RASA2: variants seen among roughly 807,000 people sequenced by gnomAD.
RASA2 encodes ras GTPase-activating protein 2.
In RASA2, 155 loss-of-function variants were observed where a neutral mutation model predicts 118.2. That is an observed-to-expected ratio of 1.31 (90% CI 1.15 to 1.50). The LOEUF is 1.50. Among genes scored for constraint, RASA2 ranks in the 40% most tolerant of loss-of-function variants. The probability of loss-of-function intolerance (pLI) is 0.00; values close to 1 mark genes in which losing one functional copy is unlikely to be tolerated. For synonymous variants in RASA2, 353 were observed against 349.1 expected (o/e 1.01, Z -0.12); for missense variants, 1,016 against 1,009.6 (o/e 1.01, Z -0.09).
chr3:141,599,565 C>A (rs372861488), intron 19 of RASA2, among the ~76,000 whole-genome samples: 45 of 152,236 alleles, frequency 3.0e-4, no homozygotes, highest in African/African-American at 9.6e-4. Flanking sequence ...ACTTCTATTA[C>A]ATAGTAAAGT....
At position 141,612,379 on chromosome 3, in the gene RASA2, T is replaced by A. The variant is rs377062902; in HGVS notation, c.*66T>A. 3.7e-6 allele frequency: 5 copies of A among 1,366,584 alleles called. No homozygotes were observed. Among genetic ancestry groups the A allele is most frequent in the Non-Finnish European group, 5.1e-6 (5 of 984,104 alleles). The allele number at this position is 1,366,584 out of a possible 1,614,324, so 84.7% of individuals were successfully genotyped here. A position where few individuals can be genotyped will look rare whatever the true frequency, so the allele number is the denominator to read the frequency against. On this transcript the variant is annotated 3_prime_UTR_variant, in exon 24 of 24. Coordinates refer to ENST00000286364, the MANE Select transcript of RASA2 (RefSeq NM_006506.5). ...TTTCTTGGAGCTTTTCAATTCATCA[T>A]GTATTTTGTTCATGGTATTTAAGAA...
chr3:141,526,161 A>G (rs1577683643), intron 3 of RASA2: 1 of 152,152 alleles, frequency 6.6e-6, no homozygotes, highest in East Asian at 1.9e-4. Flanking sequence ...TACCTCCAAG[A>G]TTGTTAGGAA....
At chr3:141,610,088 G>T in intron 23 of RASA2, 22 bp downstream of exon 23, 3 of 1,527,068 alleles carry the variant, frequency 2.0e-6, no homozygotes, top group Non-Finnish European at 2.6e-6. Flanking sequence ...TTAAGCTATT[G>T]TAAACATATT....
At chr3:141,561,983 C>T (rs1026975605) in intron 9 of RASA2, among the ~76,000 whole-genome samples, 1 of 151,950 alleles carries the variant, frequency 6.6e-6, no homozygotes, top group African/African-American at 2.4e-5. Context: ...GACAAAGCCT[C>T]ACTCTGTTGT....
At chr3:141,511,459 G>A (rs1354554989) in intron 1 of RASA2, among the ~76,000 whole-genome samples, 1 of 152,160 alleles carries the variant, frequency 6.6e-6, no homozygotes, top group Admixed American at 6.5e-5. Context: ...CAGTGACGTA[G>A]GAGAAAAGTC....
intron 4 of RASA2, among the ~76,000 whole-genome samples, chr3:141,537,746 G>A (rs1042781172): frequency 2.0e-5 from 3 of 152,068 alleles, no homozygotes; most frequent in African/African-American, 7.2e-5. Context: ...TCTGGCCTGC[G>A]TGACAGAGCT....
intron 4 of RASA2, among the ~76,000 whole-genome samples, chr3:141,539,283 T>G (rs1391339273): frequency 1.3e-5 from 2 of 152,212 alleles, no homozygotes; most frequent in Non-Finnish European, 1.5e-5. Context: ...AAGATTTGCT[T>G]AATTTAGTTC....
At chr3:141,582,104 A>C (rs2083122838) in intron 17 of RASA2, among the ~76,000 whole-genome samples, 1 of 152,242 alleles carries the variant, frequency 6.6e-6, no homozygotes, top group South Asian at 2.1e-4. Flanking sequence ...TAGCAAAGCC[A>C]AATGTTAAAG....
At chr3:141,504,006 C>CT (rs34230218) in intron 1 of RASA2, among the ~76,000 whole-genome samples, 2 of 152,240 alleles carry the variant, frequency 1.3e-5, no homozygotes, top group South Asian at 2.1e-4. Flanking sequence ...ATTGGAACCT[C>CT]TTTTTTGCCC....
intron 19 of RASA2, among the ~76,000 whole-genome samples, chr3:141,589,027 A>G (rs1264750279): frequency 6.6e-6 from 1 of 152,010 alleles, no homozygotes; most frequent in East Asian, 1.9e-4. Context: ...TTTTTAGTGG[A>G]GACAGGGTTT....
chr3:141,578,686 A>G (rs1173946248), intron 15 of RASA2: 6 of 152,224 alleles, frequency 3.9e-5, no homozygotes, highest in Non-Finnish European at 5.9e-5. Flanking sequence ...AAAGCTGCAC[A>G]GAACTCTGAG....
chr3:141,534,218 G>A (rs570756094), intron 4 of RASA2, among the ~76,000 whole-genome samples: 5 of 152,256 alleles, frequency 3.3e-5, no homozygotes, highest in African/African-American at 1.2e-4. Context: ...CTTAGGCACA[G>A]TGATAAAAAG....
Position 141,555,849 on chromosome 3 carries a change from A to G in RASA2, c.621A>G (p.Gln207=), listed in dbSNP as rs746736004. ...VSLVGPSRND[Q]KKTKVKKKTS... ...TACCACATTGGAACAGGAATGACCA[A>G]AAGAAGACAAAAGTAAAGAAGAAAA... The change falls in exon 7 of 24, where the codon CAA becomes CAG. Residue 207 remains glutamine, a synonymous_variant. Coordinates refer to ENST00000286364, the MANE Select transcript of RASA2 (RefSeq NM_006506.5). The G allele has an allele frequency of 3.7e-6, 6 of 1,612,242 alleles. No homozygotes were observed. The highest frequency in any genetic ancestry group is 3.3e-5 in the South Asian group (3 of 90,986).
chr3:141,549,839 T>C (rs1338744500), intron 5 of RASA2, among the ~76,000 whole-genome samples: 2 of 151,770 alleles, frequency 1.3e-5, no homozygotes, highest in Non-Finnish European at 2.9e-5. Context: ...AGTAAGAAAG[T>C]GCTAAAAAAT....
At chr3:141,543,519 C>G (rs1393508616) in intron 5 of RASA2, among the ~76,000 whole-genome samples, 1 of 152,034 alleles carries the variant, frequency 6.6e-6, no homozygotes, top group African/African-American at 2.4e-5. Context: ...TTTTTCCTTT[C>G]TGATGTTTCA....
At chr3:141,553,095 A>C (rs1192296906) in intron 5 of RASA2, among the ~76,000 whole-genome samples, 1 of 152,206 alleles carries the variant, frequency 6.6e-6, no homozygotes, top group African/African-American at 2.4e-5. Flanking sequence ...CTTACTGAGG[A>C]GCTGTTTACT....
At chr3:141,508,023 G>A (rs1459315962) in intron 1 of RASA2, among the ~76,000 whole-genome samples, 4 of 152,056 alleles carry the variant, frequency 2.6e-5, no homozygotes, top group Admixed American at 1.3e-4. Context: ...GTCATTAAAC[G>A]GGCTATAGAT....
At chr3:141,594,252 G>C (rs1328156029) in intron 19 of RASA2, among the ~76,000 whole-genome samples, 1 of 152,004 alleles carries the variant, frequency 6.6e-6, no homozygotes, top group Non-Finnish European at 1.5e-5. Flanking sequence ...GAAAAGACTT[G>C]GGGGAAATGA....
At chr3:141,600,456 G>T in intron 19 of RASA2, 1 of 400,050 alleles carries the variant, frequency 2.5e-6, no homozygotes. Context: ...GGAGCAGGTT[G>T]CGCTCCTTAT....
Sources: allele counts gnomAD v4.1 joint callset (sites outside exome capture counted in the v4.1 genomes callset), GRCh38; gene constraint gnomAD v4.1.1; transcripts MANE v1.5; gene names NCBI Gene and HGNC (gene_info 2026-07-23, HGNC 2026-07-21).